Variants in RBFOX1 observed in about 807,000 individuals in gnomAD.
RBFOX1 encodes RNA binding protein fox-1 homolog 1.
RBFOX1 carries 8 observed loss-of-function variants against 57.7 expected under a neutral mutation model. The ratio of observed to expected loss-of-function variants is 0.14; its 90% confidence interval spans 0.08 to 0.25. RBFOX1 has a LOEUF of 0.25. RBFOX1 is among the 10% of genes least tolerant of loss of function. The pLI, the probability that RBFOX1 is intolerant of heterozygous loss-of-function variation, is 1.00. For synonymous variants in RBFOX1, 326 were observed against 222.4 expected (o/e 1.47, Z -4.15); for missense variants, 611 against 548.5 (o/e 1.11, Z -1.14).
intron 4 of RBFOX1, among the ~76,000 whole-genome samples, chr16:6,011,592 T>G (rs2094961626): frequency 6.6e-6 from 1 of 152,190 alleles, no homozygotes; most frequent in African/African-American, 2.4e-5. Flanking sequence ...GTCTCAGGCT[T>G]GGCATAGAGT....
At chr16:7,296,504 A>C (rs186436822) in intron 4 of RBFOX1, among the ~76,000 whole-genome samples, 38 of 152,248 alleles carry the variant, frequency 2.5e-4, no homozygotes, top group Admixed American at 5.9e-4. Context: ...TAAGGGTGCT[A>C]CCATTGGCCC....
chr16:6,508,033 A>AT (rs1258079883), intron 2 of RBFOX1, among the ~76,000 whole-genome samples: 6 of 152,222 alleles, frequency 3.9e-5, no homozygotes, highest in African/African-American at 1.4e-4. Context: ...CTATGCAGCC[A>AT]TAAAAAAGAA....
chr16:7,018,323 C>G (rs2094018453), intron 3 of RBFOX1, among the ~76,000 whole-genome samples: 2 of 152,276 alleles, frequency 1.3e-5, no homozygotes, highest in African/African-American at 2.4e-5. Flanking sequence ...AGTGAGAAGC[C>G]TAACCTCCGG....
intron 3 of RBFOX1, among the ~76,000 whole-genome samples, chr16:6,793,862 G>A (rs1273289960): frequency 6.6e-6 from 1 of 152,086 alleles, no homozygotes; most frequent in Admixed American, 6.5e-5. Context: ...TATAGCTGAT[G>A]GAAATGAGTT....
chr16:5,496,467 C>G (rs1325268081), intron 2 of RBFOX1, among the ~76,000 whole-genome samples: 1 of 152,116 alleles, frequency 6.6e-6, no homozygotes, highest in Non-Finnish European at 1.5e-5. Flanking sequence ...GAGGCCTTTT[C>G]CATCTGCAGT....
rs1434059677 is a variant in RBFOX1, at chr16:5,248,939, G to T, written c.219+8834G>T. 2.4e-5 allele frequency among the ~76,000 whole-genome samples: 3 copies of T among 124,340 alleles called. No individual in the cohort carries two copies. The East Asian group carries it at 8.1e-4, about 34-fold the overall frequency. 81.6% of individuals were successfully genotyped at this position (124,340 alleles called of 152,430 possible). A position where few individuals can be genotyped will look rare whatever the true frequency, so the allele number is the denominator to read the frequency against. Reference sequence around the variant, plus strand: ...GGAGGTGGAGGTTGCAGTGAGCTGAGATTGTGCCAGTGCACTCCAGCCTGG... The same window carrying T: ...GGAGGTGGAGGTTGCAGTGAGCTGATATTGTGCCAGTGCACTCCAGCCTGG... On this transcript the variant is annotated intron_variant, in intron 1 of 2. Transcript: ENST00000585867.
intron 3 of RBFOX1, among the ~76,000 whole-genome samples, chr16:6,736,502 G>A (rs1035222442): frequency 5.9e-5 from 9 of 152,044 alleles, no homozygotes; most frequent in Admixed American, 5.9e-4. Context: ...CGTTTTTATG[G>A]CTAAGTAGTA....
chr16:5,690,743 G>T (rs774634079), intron 3 of RBFOX1, among the ~76,000 whole-genome samples: 1 of 152,134 alleles, frequency 6.6e-6, no homozygotes, highest in Admixed American at 6.6e-5. Flanking sequence ...TGAGGGGCGC[G>T]TATGTCTTTC....
chr16:5,605,305 G>A (rs73525615), intron 3 of RBFOX1, among the ~76,000 whole-genome samples: 1,821 of 152,230 alleles, frequency 0.012, 38 homozygotes, highest in African/African-American at 0.041. Context: ...CTGCTCTCAC[G>A]TCCCTGATCC....
intron 1 of RBFOX1, among the ~76,000 whole-genome samples, chr16:6,238,637 G>A (rs560396989): frequency 2.6e-5 from 4 of 152,216 alleles, no homozygotes; most frequent in African/African-American, 9.6e-5. Flanking sequence ...TCAAAATTTG[G>A]CCGCACTCCA....
At chr16:5,786,710 G>T (rs929946772) in intron 3 of RBFOX1, among the ~76,000 whole-genome samples, 6 of 152,134 alleles carry the variant, frequency 3.9e-5, no homozygotes, top group African/African-American at 1.4e-4. Context: ...CTTTCACCAG[G>T]CTGGTCATAC....
intron 4 of RBFOX1, among the ~76,000 whole-genome samples, chr16:7,480,128 C>A (rs532630356): frequency 6.6e-6 from 1 of 152,184 alleles, no homozygotes; most frequent in African/African-American, 2.4e-5. Context: ...TTGTGCCTTT[C>A]TTGTTAAGCC....
chr16:6,123,977 G>A (rs553814598), intron 1 of RBFOX1, among the ~76,000 whole-genome samples: 210 of 152,212 alleles, frequency 1.4e-3, no homozygotes, highest in Non-Finnish European at 2.5e-3. Context: ...AGCATATACC[G>A]CTTAAAAAAA....
At chr16:7,610,667 T>C (rs1238801564) in intron 10 of RBFOX1, among the ~76,000 whole-genome samples, 1 of 152,184 alleles carries the variant, frequency 6.6e-6, no homozygotes, top group African/African-American at 2.4e-5. Flanking sequence ...TTCAGAAATG[T>C]GGGGACATGT....
chr16:6,643,149 T>G (rs975278083), intron 2 of RBFOX1, among the ~76,000 whole-genome samples: 1 of 152,198 alleles, frequency 6.6e-6, no homozygotes, highest in Non-Finnish European at 1.5e-5. Flanking sequence ...ATGCAGTCAT[T>G]TGAGACTTAA....
In RBFOX1 at chr16:7,090,359, T is replaced by C. The variant is rs931354461; in HGVS notation, c.27+38261T>C. The stretch of plus-strand genomic sequence containing the variant: ...ATGTTTTTACTAAGATGGAAAACTT[T>C]TTGCTGGGGGGAGGTGTGGGGTAGA... On this transcript the variant is annotated intron_variant, in intron 4 of 15. Coordinates refer to ENST00000550418, the MANE Select transcript of RBFOX1 (RefSeq NM_018723.4). Among the ~76,000 whole-genome samples the C allele has an allele frequency of 5.9e-5, 9 of 152,146 alleles. No individual in the cohort carries two copies. In the South Asian group the frequency reaches 1.9e-3, roughly 32 times the overall value.
At chr16:6,951,749 T>C (rs2153525896) in intron 3 of RBFOX1, among the ~76,000 whole-genome samples, 1 of 152,218 alleles carries the variant, frequency 6.6e-6, no homozygotes, top group South Asian at 2.1e-4. Flanking sequence ...CTCTCTCTCT[T>C]TTGAGATGGA....
rs573014103 is a variant in RBFOX1, at chr16:7,136,433, G to A, written c.27+84335G>A. On this transcript the variant is annotated intron_variant, in intron 4 of 15. Transcript: ENST00000550418. ...TTTTTTTTTTTTTTTTTTTGACAGG[G>A]TCTTGTTCTGTTATCCAGGCTGGAG... is the stretch of plus-strand genomic sequence containing the variant. Among the ~76,000 whole-genome samples, 241 of 140,752 alleles carry A rather than the reference G, an allele frequency of 1.7e-3. 6 individuals carry two copies. In the East Asian group the frequency reaches 0.032, roughly 18 times the overall value. The allele number at this position is 140,752 out of a possible 152,430, so 92.3% of individuals were successfully genotyped here. A position where few individuals can be genotyped will look rare whatever the true frequency, so the allele number is the denominator to read the frequency against.
At chr16:6,433,278 GAGA>G (rs1158489440) in intron 2 of RBFOX1, among the ~76,000 whole-genome samples, 2 of 152,200 alleles carry the variant, frequency 1.3e-5, no homozygotes, top group East Asian at 1.9e-4. Context: ...ATGAGAAGCA[GAGA>G]AGGTTTGCTT....
Sources: allele counts gnomAD v4.1 joint callset (sites outside exome capture counted in the v4.1 genomes callset), GRCh38; gene constraint gnomAD v4.1.1; transcripts MANE v1.5; gene names NCBI Gene and HGNC (gene_info 2026-07-23, HGNC 2026-07-21).